Variants in GSE1 observed in about 807,000 individuals in gnomAD.
GSE1 encodes Gse1 coiled-coil protein, also known as genetic suppressor element 1.
A neutral mutation model predicts 112.6 loss-of-function variants in GSE1; 32 were observed. The ratio of observed to expected loss-of-function variants is 0.28; its 90% CI spans 0.21 to 0.38. The LOEUF (loss-of-function observed/expected upper bound fraction) is 0.38. GSE1 is among the 10% of genes least tolerant of loss of function. The pLI is 1.00. For synonymous variants in GSE1, 1,115 were observed against 735.6 expected (o/e 1.52, Z -8.35); for missense variants, 2,348 against 1,699.2 (o/e 1.38, Z -6.71).
chr16:85,240,217 C>T (rs952274581), intron 1 of GSE1, among the ~76,000 whole-genome samples: 3 of 152,340 alleles, frequency 2.0e-5, no homozygotes, highest in Admixed American at 6.5e-5. Context: ...TCTGATGACA[C>T]GTGGGTGCCC....
At chr16:85,511,809 C>G (rs1598012879) in intron 2 of GSE1, among the ~76,000 whole-genome samples, 1 of 152,172 alleles carries the variant, frequency 6.6e-6, no homozygotes, top group African/African-American at 2.4e-5. Context: ...CAGGAAGGAG[C>G]CTCCCTAGAG....
chr16:85,656,713 C>A, intron 7 of GSE1, 48 bp downstream of exon 7: 2 of 1,447,654 alleles, frequency 1.4e-6, no homozygotes, highest in Non-Finnish European at 1.8e-6. Flanking sequence ...CAGCCACCCG[C>A]GGGGAGGAGC....
chr16:85,342,253 G>A (rs1354563705), intron 1 of GSE1, among the ~76,000 whole-genome samples: 3 of 152,324 alleles, frequency 2.0e-5, no homozygotes, highest in African/African-American at 7.2e-5. Flanking sequence ...TATTTTTAAA[G>A]GGTATAATTT....
chr16:85,457,963 T>C (rs767853039), intron 2 of GSE1, among the ~76,000 whole-genome samples: 37 of 152,202 alleles, frequency 2.4e-4, no homozygotes, highest in Admixed American at 1.3e-4. Context: ...TTCTCTGAGA[T>C]TGAAGTAGCT....
At chr16:85,583,650 C>G (rs2046554089) in intron 1 of GSE1, 2 of 152,226 alleles carry the variant, frequency 1.3e-5, no homozygotes, top group African/African-American at 4.8e-5. Flanking sequence ...AGTCACCTTC[C>G]TGCAGCACCC....
chr16:85,278,084 T>G (rs1597266547), intron 1 of GSE1, among the ~76,000 whole-genome samples: 1 of 152,252 alleles, frequency 6.6e-6, no homozygotes, highest in East Asian at 1.9e-4. Context: ...GCGAGGAAGG[T>G]CACGGGCATG....
chr16:85,661,240 G>A lies in GSE1; in HGVS notation c.1735G>A (p.Ala579Thr), dbSNP rs2151957859. The change falls in exon 9 of 16, where the codon GCT (alanine) becomes ACT (threonine). Residue 579 changes from alanine (A) to threonine (T), a missense_variant. By Grantham distance (58) the Ala-to-Thr change is moderately conservative. Coordinates refer to ENST00000253458, the MANE Select transcript of GSE1 (RefSeq NM_014615.5). Reference sequence around the variant, plus strand: ...GATTTCGCCCAAGCCCCAGCTCCATGCTGCACCCACGGCCCTCTGGAACCC... The same window carrying A: ...GATTTCGCCCAAGCCCCAGCTCCATACTGCACCCACGGCCCTCTGGAACCC... ...PLISPKPQLH[A>T]APTALWNPVS... The A allele has an allele frequency of 6.2e-7, 1 of 1,612,902 alleles. No individual in the cohort carries two copies. Among genetic ancestry groups the A allele is most frequent in the Non-Finnish European group, 8.5e-7 (1 of 1,179,962 alleles).
intron 1 of GSE1, among the ~76,000 whole-genome samples, chr16:85,189,053 C>T (rs908425029): frequency 6.6e-6 from 1 of 152,170 alleles, no homozygotes; most frequent in African/African-American, 2.4e-5. Flanking sequence ...CCAGTGCTGC[C>T]GGAAGCCTAT....
chr16:85,656,749 C>T (rs1271549130), intron 7 of GSE1, 84 bp downstream of exon 7: 9 of 1,432,206 alleles, frequency 6.3e-6, no homozygotes, highest in Non-Finnish European at 7.3e-6. Context: ...CTGCCGGTTG[C>T]CGTGGTGTAA....
upstream of GSE1, among the ~76,000 whole-genome samples, chr16:85,612,176 C>T (rs1346056256): frequency 1.3e-5 from 2 of 151,654 alleles, no homozygotes; most frequent in Non-Finnish European, 3.0e-5. Flanking sequence ...GCTCGCCGAC[C>T]CCTGCCCCCG....
At chr16:85,192,700 A>G (rs764763922) in intron 1 of GSE1, among the ~76,000 whole-genome samples, 1 of 152,174 alleles carries the variant, frequency 6.6e-6, no homozygotes, top group Non-Finnish European at 1.5e-5. Context: ...CCTCCTCGCC[A>G]GCTTCAGCAA....
intron 2 of GSE1, among the ~76,000 whole-genome samples, chr16:85,390,280 G>C (rs912272552): frequency 1.3e-5 from 2 of 152,052 alleles, no homozygotes; most frequent in Non-Finnish European, 2.9e-5. Context: ...CTGGCGTTGG[G>C]GTGGGGGTCA....
At chr16:85,587,042 G>T (rs2046732354) in intron 1 of GSE1, among the ~76,000 whole-genome samples, 1 of 152,150 alleles carries the variant, frequency 6.6e-6, no homozygotes, top group Non-Finnish European at 1.5e-5. Context: ...ATGCAGAATT[G>T]TGTGTGTGGT....
upstream of GSE1, among the ~76,000 whole-genome samples, chr16:85,612,270 C>A (rs539103243): frequency 6.9e-6 from 1 of 144,782 alleles, no homozygotes; most frequent in African/African-American, 2.5e-5. Flanking sequence ...GCGGGGTGGG[C>A]GGAGCCGGGG....
Position 85,517,777 on chromosome 16 carries a change from C to T in GSE1, c.2465-116137C>T, listed in dbSNP as rs778613207. On this transcript the variant is annotated intron_variant, in intron 2 of 2. Transcript: ENST00000637419. ...ATATTAATATTTTCTAAGGGAGCCCCGTGCACGGAGCCAGTGTCCGCCTCA... is the reference window on the plus strand; with the variant it reads ...ATATTAATATTTTCTAAGGGAGCCCTGTGCACGGAGCCAGTGTCCGCCTCA... Among the ~76,000 whole-genome samples the T allele has an allele frequency of 7.2e-5, 11 of 152,368 alleles. 1 individual carries two copies. The South Asian group carries it at 1.2e-3, about 17-fold the overall frequency.
intron 1 of GSE1, among the ~76,000 whole-genome samples, chr16:85,307,039 G>A (rs1049553722): frequency 9.9e-5 from 15 of 151,966 alleles, no homozygotes; most frequent in Non-Finnish European, 2.1e-4. Flanking sequence ...GGCAGGTTGG[G>A]AAGTGTCCAC....
At chr16:85,302,883 A>C (rs1402539045) in intron 1 of GSE1, among the ~76,000 whole-genome samples, 1 of 152,158 alleles carries the variant, frequency 6.6e-6, no homozygotes, top group Non-Finnish European at 1.5e-5. Flanking sequence ...GCCGAAGCGC[A>C]TTCTCCTTCA....
At chr16:85,303,567 G>C (rs1408410493) in intron 1 of GSE1, among the ~76,000 whole-genome samples, 4 of 152,242 alleles carry the variant, frequency 2.6e-5, no homozygotes, top group African/African-American at 9.6e-5. Flanking sequence ...AGGGTGGCAG[G>C]TTCTATTGTG....
In GSE1 at chr16:85,674,249, C is replaced by G. The variant is rs1482403587; in HGVS notation, c.*1710C>G. On this transcript the variant is annotated 3_prime_UTR_variant, in exon 16 of 16. Coordinates refer to ENST00000253458, the MANE Select transcript of GSE1 (RefSeq NM_014615.5). ...CTTGCTGCGCAGAACAGCTTGCTGG[C>G]AGCTGGCATCGTGTCGCTTTATCTG... 6.6e-6 allele frequency: 1 copy of G among 152,304 alleles called. No individual in the cohort carries two copies. Among genetic ancestry groups the G allele is most frequent in the African/African-American group, 2.4e-5 (1 of 41,466 alleles). The allele number at this position is 152,304 out of a possible 1,614,324, so 9.4% of individuals were successfully genotyped here. A position where few individuals can be genotyped will look rare whatever the true frequency, so the allele number is the denominator to read the frequency against.
Sources: allele counts gnomAD v4.1 joint callset (sites outside exome capture counted in the v4.1 genomes callset), GRCh38; gene constraint gnomAD v4.1.1; transcripts MANE v1.5; gene names NCBI Gene and HGNC (gene_info 2026-07-23, HGNC 2026-07-21).